RNF216: variants seen among roughly 807,000 people sequenced by gnomAD.
The protein encoded by RNF216 is ring finger protein 216.
In RNF216, 72 loss-of-function variants were observed where a neutral mutation model predicts 110.8. That is an observed-to-expected ratio of 0.65 (90% CI 0.54 to 0.79). The LOEUF is 0.79. Among genes scored for constraint, RNF216 ranks in the 30% least tolerant of loss-of-function variants. The pLI is 0.00. For missense variants in RNF216, 1,342 were observed against 1,141.2 expected, an observed-to-expected ratio of 1.18 and a Z score of -2.54; for synonymous variants, 495 against 407.5, an observed-to-expected ratio of 1.21 and a Z score of -2.59.
rs540524725 is a variant in RNF216 at position 5,734,280 on chromosome 7, T to C, written c.1122-3463A>G. On this transcript the variant is annotated intron_variant, in intron 5 of 16. Transcript: ENST00000389902. ...GAATACCATTTAGCAATGGAAAATA[T>C]ATAAACTGTGGTTCTACCCTACATG... 4.6e-5 allele frequency among the ~76,000 whole-genome samples: 7 copies of C among 152,296 alleles called. No homozygotes were observed. In the South Asian group the frequency reaches 8.3e-4, roughly 18 times the overall value.
At chr7:5,752,378 G>T (rs571781525) in intron 3 of RNF216, among the ~76,000 whole-genome samples, 4 of 152,240 alleles carry the variant, frequency 2.6e-5, no homozygotes, top group Admixed American at 6.5e-5. Context: ...TGGTTAGAAA[G>T]AGTAGTATCA....
chr7:5,695,779 G>A (rs1193106590), intron 13 of RNF216, among the ~76,000 whole-genome samples: 1 of 152,196 alleles, frequency 6.6e-6, no homozygotes, highest in African/African-American at 2.4e-5. Flanking sequence ...GTTCCCTTAT[G>A]TGTTCTTCCC....
intron 3 of RNF216, among the ~76,000 whole-genome samples, chr7:5,750,525 A>G (rs1795274600): frequency 6.6e-6 from 1 of 152,220 alleles, no homozygotes; most frequent in Non-Finnish European, 1.5e-5. Flanking sequence ...AGCACTGTTC[A>G]CTGAGTTTTT....
chr7:5,683,699 C>G (rs1790796408), intron 13 of RNF216, among the ~76,000 whole-genome samples: 1 of 152,174 alleles, frequency 6.6e-6, no homozygotes, highest in Non-Finnish European at 1.5e-5. Context: ...ACCTTCCTCT[C>G]AGGGTTACTG....
chr7:5,743,862 G>T (rs976474179), intron 3 of RNF216, among the ~76,000 whole-genome samples: 1 of 152,168 alleles, frequency 6.6e-6, no homozygotes, highest in African/African-American at 2.4e-5. Context: ...TCGCAGCGTG[G>T]AGAGTTTAAC....
chr7:5,717,247 G>C (rs1195855542), intron 9 of RNF216, among the ~76,000 whole-genome samples: 2 of 152,184 alleles, frequency 1.3e-5, no homozygotes, highest in Non-Finnish European at 2.9e-5. Flanking sequence ...CAGCTACTTG[G>C]GAGGCTGAAG....
chr7:5,642,066 GA>G (rs1787769081), intron 14 of RNF216, among the ~76,000 whole-genome samples: 2 of 136,504 alleles, frequency 1.5e-5, no homozygotes, highest in African/African-American at 2.8e-5. Flanking sequence ...AAGAAAGAAA[GA>G]AAACATTGTC....
chr7:5,732,851 A>G (rs569641607), intron 5 of RNF216: 1 of 152,308 alleles, frequency 6.6e-6, no homozygotes, highest in Admixed American at 6.5e-5. Context: ...CACTCCTGCA[A>G]AGTAAGCCAG....
intron 13 of RNF216, among the ~76,000 whole-genome samples, chr7:5,691,670 G>A (rs1279666016): frequency 1.3e-5 from 2 of 152,220 alleles, no homozygotes; most frequent in Non-Finnish European, 2.9e-5. Context: ...AAGTGAAGTA[G>A]AATCTTCTAT....
At position 5,730,673 on chromosome 7, in the gene RNF216, C is replaced by G. The variant is rs369415799; in HGVS notation, c.1224+42G>C. 1.8e-5 allele frequency: 28 copies of G among 1,597,858 alleles called. No individual in the cohort carries two copies. In the South Asian group the frequency reaches 2.2e-4, roughly 13 times the overall value. On this transcript the variant is annotated intron_variant, in intron 6 of 16. Coordinates refer to ENST00000389902, the MANE Select transcript of RNF216 (RefSeq NM_207111.4). Reference sequence around the variant, plus strand: ...CAACAACAACAACAACAAAGCACAGCATTTCCAGGCAGTGACTGCAAAACA... The same window carrying G: ...CAACAACAACAACAACAAAGCACAGGATTTCCAGGCAGTGACTGCAAAACA...
intron 13 of RNF216, among the ~76,000 whole-genome samples, chr7:5,687,866 C>T (rs77653203): frequency 0.071 from 10,873 of 152,212 alleles, 447 homozygotes; most frequent in East Asian, 0.12. Context: ...ATCATGATCT[C>T]ACCATTTTAC....
At chr7:5,719,883 C>T (rs1014192455) in intron 9 of RNF216, among the ~76,000 whole-genome samples, 1 of 152,170 alleles carries the variant, frequency 6.6e-6, no homozygotes, top group Non-Finnish European at 1.5e-5. Flanking sequence ...GGATATAAGA[C>T]AAGCTTCATA....
intron 1 of RNF216, 58 bp from the exon 2 acceptor site, chr7:5,761,196 G>GT (rs1795915743): frequency 1.8e-6 from 1 of 544,900 alleles, no homozygotes; most frequent in Non-Finnish European, 3.2e-6. Context: ...CTCTTGCCAT[G>GT]TATCTGGTCA....
At chr7:5,737,023 T>A (rs1347745037) in intron 5 of RNF216, among the ~76,000 whole-genome samples, 1 of 152,178 alleles carries the variant, frequency 6.6e-6, no homozygotes, top group Non-Finnish European at 1.5e-5. Flanking sequence ...CTGGGAGGTG[T>A]TCCCAACAGC....
At chr7:5,709,092 C>T (rs976956395) in intron 13 of RNF216, among the ~76,000 whole-genome samples, 2 of 152,222 alleles carry the variant, frequency 1.3e-5, no homozygotes, top group African/African-American at 4.8e-5. Context: ...ACTCATGCTC[C>T]AACTCCTTCC....
At chr7:5,666,290 A>G (rs1789518618) in intron 13 of RNF216, among the ~76,000 whole-genome samples, 1 of 152,084 alleles carries the variant, frequency 6.6e-6, no homozygotes, top group African/African-American at 2.4e-5. Context: ...GTAAGTGCTG[A>G]GGAGAAAAAA....
intron 13 of RNF216, among the ~76,000 whole-genome samples, chr7:5,685,167 G>A (rs928408425): frequency 3.0e-4 from 45 of 152,172 alleles, no homozygotes; most frequent in African/African-American, 1.1e-3. Context: ...CCAGTGATTG[G>A]GCTGCCCATG....
intron 13 of RNF216, among the ~76,000 whole-genome samples, chr7:5,682,686 G>A (rs921904027): frequency 2.6e-5 from 4 of 152,102 alleles, no homozygotes; most frequent in African/African-American, 7.2e-5. Flanking sequence ...GGATATCGGC[G>A]TGAGCCTCTG....
At chr7:5,764,391 T>C (rs1796092989) in intron 1 of RNF216, among the ~76,000 whole-genome samples, 1 of 151,970 alleles carries the variant, frequency 6.6e-6, no homozygotes, top group Non-Finnish European at 1.5e-5. Flanking sequence ...CTCACACCTG[T>C]AATCCCAGCA....
Sources: allele counts gnomAD v4.1 joint callset (sites outside exome capture counted in the v4.1 genomes callset), GRCh38; gene constraint gnomAD v4.1.1; transcripts MANE v1.5; gene names NCBI Gene and HGNC (gene_info 2026-07-23, HGNC 2026-07-21).